MEIS1: variants seen among roughly 807,000 people sequenced by gnomAD.
MEIS1 encodes homeobox protein Meis1.
MEIS1 carries 5 observed loss-of-function variants against 50.8 expected under a neutral mutation model. The ratio of observed to expected loss-of-function variants is 0.10; its 90% CI spans 0.05 to 0.21. MEIS1 has a LOEUF of 0.21. Ranked by LOEUF, MEIS1 falls within the 10% of genes least tolerant of loss-of-function variation. The pLI is 1.00. For missense variants in MEIS1, 318 were observed against 517.3 expected (o/e 0.61, Z 3.74); for synonymous variants, 176 against 179.3 (o/e 0.98, Z 0.15).
In MEIS1 at chr2:66,464,127, C is replaced by T; in HGVS notation, c.649C>T (p.His217Tyr). ...LTDQPSWNRD[H>Y]DDTASTRSGG... ...CCCACAGCCCTCTTGGAACAGAGATCATGATGACACGGCATCTACTCGTTC... is the reference window on the plus strand; with the variant it reads ...CCCACAGCCCTCTTGGAACAGAGATTATGATGACACGGCATCTACTCGTTC... The change falls in exon 7 of 13, where the codon CAT becomes TAT. Residue 217 changes from histidine (H) to tyrosine (Y), a missense_variant. Transcript: ENST00000272369. The T allele has an allele frequency of 6.2e-7, 1 of 1,601,002 alleles. No homozygotes were observed. The highest frequency in any genetic ancestry group is 1.1e-5 in the South Asian group (1 of 88,008).
intron 6 of MEIS1, among the ~76,000 whole-genome samples, chr2:66,449,065 A>G (rs1672221860): frequency 6.6e-6 from 1 of 152,158 alleles, no homozygotes; most frequent in Non-Finnish European, 1.5e-5. Flanking sequence ...AAATTTAAGA[A>G]TTAAATAAAA....
In MEIS1 at chr2:66,505,153, G is replaced by C. The variant is rs149127489; in HGVS notation, c.743-6996G>C. Among the ~76,000 whole-genome samples, 3 of 152,290 alleles carry C rather than the reference G, an allele frequency of 2.0e-5. No homozygotes were observed. In the East Asian group the frequency reaches 5.8e-4, roughly 29 times the overall value. On this transcript the variant is annotated intron_variant, in intron 7 of 12. Coordinates refer to ENST00000272369, the MANE Select transcript of MEIS1 (RefSeq NM_002398.3). Reference sequence around the variant, plus strand: ...GGGGTTGGCCAGACACAGGGCCTAAGACAGATAATCCAAGCACTTGGAAGG... The same window carrying C: ...GGGGTTGGCCAGACACAGGGCCTAACACAGATAATCCAAGCACTTGGAAGG...
intron 6 of MEIS1, among the ~76,000 whole-genome samples, chr2:66,462,453 C>T (rs1336993533): frequency 6.6e-6 from 1 of 152,150 alleles, no homozygotes; most frequent in Admixed American, 6.5e-5. Flanking sequence ...GCCATTTTCT[C>T]TTTCTAATTA....
chr2:66,515,622 T>A (rs1025407896), intron 8 of MEIS1, among the ~76,000 whole-genome samples: 2 of 151,824 alleles, frequency 1.3e-5, no homozygotes, highest in Non-Finnish European at 2.9e-5. Context: ...AGGAAACGAG[T>A]TTTAAACTTT....
intron 7 of MEIS1, among the ~76,000 whole-genome samples, chr2:66,477,519 G>T (rs1275797327): frequency 6.6e-6 from 1 of 152,168 alleles, no homozygotes; most frequent in African/African-American, 2.4e-5. Context: ...ACCTGTTCCT[G>T]AGGATGGCTT....
chr2:66,482,418 T>C (rs1035901181), intron 7 of MEIS1, among the ~76,000 whole-genome samples: 1 of 152,134 alleles, frequency 6.6e-6, no homozygotes, highest in African/African-American at 2.4e-5. Flanking sequence ...GTCAGTCAGG[T>C]TTCTCAATTG....
chr2:66,483,518 G>A (rs1673069033), intron 7 of MEIS1, among the ~76,000 whole-genome samples: 1 of 152,126 alleles, frequency 6.6e-6, no homozygotes, highest in African/African-American at 2.4e-5. Flanking sequence ...AACTTGGTGG[G>A]CCATCAAGAT....
At chr2:66,489,137 T>TAAG (rs1673210149) in intron 7 of MEIS1, among the ~76,000 whole-genome samples, 1 of 152,212 alleles carries the variant, frequency 6.6e-6, no homozygotes, top group African/African-American at 2.4e-5. Flanking sequence ...GTTTAAAGAG[T>TAAG]AAGCTCTTTC....
intron 8 of MEIS1, among the ~76,000 whole-genome samples, chr2:66,526,071 A>G (rs897775649): frequency 6.6e-6 from 1 of 152,212 alleles, no homozygotes; most frequent in Non-Finnish European, 1.5e-5. Context: ...TTTATCTGCC[A>G]TGGGCACTGT....
chr2:66,492,012 G>C (rs1030664008), intron 7 of MEIS1, among the ~76,000 whole-genome samples: 2 of 150,922 alleles, frequency 1.3e-5, no homozygotes, highest in African/African-American at 4.9e-5. Flanking sequence ...GGTAGTACAG[G>C]GAATTAAAAT....
At chr2:66,527,700 T>C (rs1257831677) in intron 8 of MEIS1, among the ~76,000 whole-genome samples, 1 of 151,636 alleles carries the variant, frequency 6.6e-6, no homozygotes, top group Non-Finnish European at 1.5e-5. Flanking sequence ...TACCTTATGC[T>C]TTTTGGTTTG....
chr2:66,441,673 C>G, intron 5 of MEIS1: 1 of 524,852 alleles, frequency 1.9e-6, no homozygotes, highest in Non-Finnish European at 3.3e-6. Flanking sequence ...CACAAACGCC[C>G]TAGCCTTGTG....
chr2:66,449,188 TA>T (rs1178739892), intron 6 of MEIS1, among the ~76,000 whole-genome samples: 1 of 152,100 alleles, frequency 6.6e-6, no homozygotes, highest in Non-Finnish European at 1.5e-5. Context: ...AGATCCCAAG[TA>T]AAACAACACT....
chr2:66,468,623 G>C (rs1385633928), intron 7 of MEIS1, among the ~76,000 whole-genome samples: 17 of 152,132 alleles, frequency 1.1e-4, no homozygotes. Context: ...TAGAGCCCAA[G>C]CTCCTAACTA....
At chr2:66,449,535 T>G (rs970887132) in intron 6 of MEIS1, among the ~76,000 whole-genome samples, 4 of 152,150 alleles carry the variant, frequency 2.6e-5, no homozygotes, top group Admixed American at 2.0e-4. Context: ...AGAAGCTTTT[T>G]GGAGTCTTAA....
chr2:66,440,748 C>A, intron 4 of MEIS1, 136 bp downstream of exon 4: 2 of 631,276 alleles, frequency 3.2e-6, no homozygotes, highest in Non-Finnish European at 5.6e-6. Context: ...GCAAATGTTT[C>A]TGTACACGGA....
rs541158749 is a variant in MEIS1, at chr2:66,513,353, A to C, written c.888+1059A>C. On this transcript the variant is annotated intron_variant, in intron 8 of 12. Coordinates refer to ENST00000272369, the MANE Select transcript of MEIS1 (RefSeq NM_002398.3). ...AATTTTTCCTTAAATATTAAAGTTA[A>C]TCTTGCATTGTCATAAACACTTGCA... Among the ~76,000 whole-genome samples, 10 of 152,172 alleles carry C rather than the reference A, an allele frequency of 6.6e-5. No individual in the cohort carries two copies. The South Asian group carries it at 2.1e-3, about 32-fold the overall frequency.
chr2:66,554,589 C>A (rs920941294), intron 9 of MEIS1, among the ~76,000 whole-genome samples: 4 of 152,180 alleles, frequency 2.6e-5, no homozygotes, highest in Non-Finnish European at 5.9e-5. Context: ...CATCCCTCAT[C>A]CCTACTCCTT....
chr2:66,531,061 C>G (rs1320682802), intron 8 of MEIS1, among the ~76,000 whole-genome samples: 1 of 152,138 alleles, frequency 6.6e-6, no homozygotes, highest in Non-Finnish European at 1.5e-5. Context: ...AATATCTGAG[C>G]AACTGTACAC....
Sources: allele counts gnomAD v4.1 joint callset (sites outside exome capture counted in the v4.1 genomes callset), GRCh38; gene constraint gnomAD v4.1.1; transcripts MANE v1.5; gene names NCBI Gene and HGNC (gene_info 2026-07-23, HGNC 2026-07-21).